FGF13: variants seen among roughly 807,000 people sequenced by gnomAD.
FGF13 encodes the protein fibroblast growth factor 13.
A neutral mutation model predicts 19.5 loss-of-function variants in FGF13; 2 were observed. The ratio of observed to expected loss-of-function variants is 0.10; its 90% CI spans 0.04 to 0.32. The LOEUF (loss-of-function observed/expected upper bound fraction) is 0.32, where lower values mean the gene tolerates loss of function less well. Ranked by LOEUF, FGF13 falls within the 10% of genes least tolerant of loss-of-function variation. The pLI is 1.00. For missense variants in FGF13, 113 were observed against 192.7 expected (o/e 0.59, Z 2.45); for synonymous variants, 72 against 76.9 (o/e 0.94, Z 0.33).
chrX:138,841,329 G>A (rs918473903), intron 3 of FGF13, among the ~76,000 whole-genome samples: 4 of 110,853 alleles, frequency 3.6e-5, no homozygotes, highest in Non-Finnish European at 7.6e-5. Flanking sequence ...CTCCCCTCAA[G>A]CTCAACCAAC....
intron 1 of FGF13, among the ~76,000 whole-genome samples, chrX:138,995,615 T>A (rs2092038882): frequency 8.9e-6 from 1 of 112,572 alleles, no homozygotes; most frequent in South Asian, 3.7e-4. Context: ...TCCAGCTCCA[T>A]CCATGTTCCC....
At chrX:138,658,739 A>G in intron 3 of FGF13, among the ~76,000 whole-genome samples, 1 of 111,635 alleles carries the variant, frequency 9.0e-6, no homozygotes, top group African/African-American at 3.3e-5. Flanking sequence ...CTGAGCCTTG[A>G]GCTTCAAAAT....
chrX:138,720,897 T>C (rs922869826), intron 1 of FGF13, among the ~76,000 whole-genome samples: 3 of 112,093 alleles, frequency 2.7e-5, no homozygotes, highest in African/African-American at 9.7e-5. Context: ...CCTTTGAACA[T>C]CAACCACTGG....
chrX:139,152,121 T>C (rs2083938480), intron 1 of FGF13, among the ~76,000 whole-genome samples: 1 of 111,159 alleles, frequency 9.0e-6, no homozygotes, highest in Non-Finnish European at 1.9e-5. Flanking sequence ...AGGGTGCCTC[T>C]GTGTACTAGA....
chrX:138,946,339 T>C (rs1021062480), intron 1 of FGF13, among the ~76,000 whole-genome samples: 7 of 111,982 alleles, frequency 6.3e-5, no homozygotes, highest in South Asian at 3.7e-4. Context: ...TGGATCTCAA[T>C]TGACATCCCA....
chrX:139,071,731 T>C (rs750040982), intron 1 of FGF13, among the ~76,000 whole-genome samples: 1 of 110,809 alleles, frequency 9.0e-6, no homozygotes, highest in East Asian at 2.9e-4. Flanking sequence ...CAAAATGCCT[T>C]TATTGGCTGG....
intron 3 of FGF13, among the ~76,000 whole-genome samples, chrX:138,687,986 C>G (rs2089800552): frequency 1.9e-5 from 2 of 105,073 alleles, no homozygotes; most frequent in Non-Finnish European, 3.9e-5. Context: ...GAGTCTTGCT[C>G]TGTTGCCCAG....
rs146715755 is a variant in FGF13 at position 139,017,859 on chromosome X, G to A, written c.-112-153209C>T. ...GAAAAACTGGAGTAATTCAGCATGG[G>A]AGAGAGACAGGCCAGGGTTGTTTTT... is the stretch of plus-strand genomic sequence containing the variant. On this transcript the variant is annotated intron_variant, in intron 1 of 2. Coordinates refer to the FGF13 transcript ENST00000421460. 9.5e-3 allele frequency among the ~76,000 whole-genome samples: 1,057 copies of A among 111,609 alleles called. 11 individuals are homozygous for A. Among genetic ancestry groups the A allele is most frequent in the African/African-American group, 0.032 (979 of 30,752 alleles).
chrX:138,869,879 T>C (rs2091348889), intron 1 of FGF13, among the ~76,000 whole-genome samples: 1 of 111,994 alleles, frequency 8.9e-6, no homozygotes, highest in South Asian at 3.7e-4. Flanking sequence ...GGGGCTGTCC[T>C]TGCAGGGATT....
At chrX:138,783,915 C>G (rs2090670111) in intron 3 of FGF13, among the ~76,000 whole-genome samples, 1 of 107,557 alleles carries the variant, frequency 9.3e-6, no homozygotes, top group Non-Finnish European at 1.9e-5. Context: ...GGAACCAACC[C>G]AAATGTCCAA....
At chrX:138,945,841 C>G (rs979753464) in intron 1 of FGF13, among the ~76,000 whole-genome samples, 2 of 111,538 alleles carry the variant, frequency 1.8e-5, no homozygotes, top group African/African-American at 6.5e-5. Flanking sequence ...AAACTATTAC[C>G]AAATTAGATG....
intron 1 of FGF13, among the ~76,000 whole-genome samples, chrX:139,113,014 G>C (rs1264255681): frequency 1.0e-5 from 1 of 99,962 alleles, no homozygotes. Context: ...GTGTGTGTGT[G>C]TGTGTTTTCA....
chrX:138,957,766 T>A (rs1213492858), intron 1 of FGF13, among the ~76,000 whole-genome samples: 1 of 111,760 alleles, frequency 8.9e-6, no homozygotes, highest in Non-Finnish European at 1.9e-5. Flanking sequence ...GGTATTTTAT[T>A]CTCTTTGAAG....
chrX:138,975,869 A>G (rs1193620903), intron 1 of FGF13, among the ~76,000 whole-genome samples: 1 of 111,662 alleles, frequency 9.0e-6, no homozygotes, highest in Admixed American at 9.5e-5. Flanking sequence ...GTGTTTTAGG[A>G]AGCCTAAGCT....
chrX:138,963,497 T>C (rs1276706740), intron 1 of FGF13, among the ~76,000 whole-genome samples: 1 of 112,458 alleles, frequency 8.9e-6, no homozygotes, highest in African/African-American at 3.2e-5. Context: ...CACATAAACC[T>C]TCTTGGTACT....
chrX:139,058,055 T>TA (rs1277326154), intron 1 of FGF13, among the ~76,000 whole-genome samples: 1 of 111,876 alleles, frequency 8.9e-6, no homozygotes, highest in Non-Finnish European at 1.9e-5. Context: ...AGAACTATAC[T>TA]AAAAAATCTA....
intron 1 of FGF13, among the ~76,000 whole-genome samples, chrX:138,884,654 C>T (rs1203488621): frequency 8.9e-6 from 1 of 111,850 alleles, no homozygotes; most frequent in Non-Finnish European, 1.9e-5. Context: ...GAAATATCAT[C>T]AATTAAATGA....
Position 138,630,687 on chromosome X carries a change from C to T in FGF13, c.*2163G>A, listed in dbSNP as rs2089106830. 9.0e-6 allele frequency: 1 copy of T among 111,153 alleles called. No individual in the cohort carries two copies. 9.2% of individuals were successfully genotyped at this position (111,153 alleles called of 1,213,427 possible). A position where few individuals can be genotyped will look rare whatever the true frequency, so the allele number is the denominator to read the frequency against. ...TTGCAAAAGCAGGCTGTTTGGGGCCCCAGTAATTTTATTTGCAGATGCTCT... is the reference window on the plus strand; with the variant it reads ...TTGCAAAAGCAGGCTGTTTGGGGCCTCAGTAATTTTATTTGCAGATGCTCT... On this transcript the variant is annotated 3_prime_UTR_variant, in exon 5 of 5. Coordinates refer to ENST00000315930, the MANE Select transcript of FGF13 (RefSeq NM_004114.5).
intron 1 of FGF13, among the ~76,000 whole-genome samples, chrX:138,961,095 G>T (rs1422865601): frequency 9.0e-6 from 1 of 110,549 alleles, no homozygotes; most frequent in Non-Finnish European, 1.9e-5. Flanking sequence ...GAGGTGCTCG[G>T]TTTTTAGAAT....
Sources: gnomAD v4.1 joint callset for allele counts (sites outside exome capture counted in the v4.1 genomes callset) on GRCh38, gnomAD v4.1.1 for gene constraint, MANE v1.5 for transcripts, NCBI Gene and HGNC (gene_info 2026-07-23, HGNC 2026-07-21) for gene names.